The following MED12L variants were observed in gnomAD, a reference collection of about 807,000 sequenced individuals.
MED12L encodes mediator of RNA polymerase II transcription subunit 12-like protein.
MED12L carries 60 observed loss-of-function variants against 281.3 expected under a neutral mutation model. That is an observed-to-expected ratio of 0.21 (90% CI 0.17 to 0.26). MED12L has a LOEUF of 0.26. MED12L is among the 10% of genes least tolerant of loss of function. The pLI, the probability that MED12L is intolerant of heterozygous loss-of-function variation, is 1.00. For missense variants in MED12L, 2,146 were observed against 2,680.9 expected (o/e 0.80, Z 4.41); for synonymous variants, 974 against 987.2 (o/e 0.99, Z 0.25).
chr3:151,218,490 G>A (rs1728665714), intron 16 of MED12L, among the ~76,000 whole-genome samples: 1 of 152,162 alleles, frequency 6.6e-6, no homozygotes, highest in Admixed American at 6.5e-5. Flanking sequence ...TGTTAACCTT[G>A]AGGCTTTAGG....
chr3:151,112,749 G>A (rs893366815), intron 2 of MED12L, among the ~76,000 whole-genome samples: 3 of 152,106 alleles, frequency 2.0e-5, no homozygotes, highest in South Asian at 2.1e-4. Flanking sequence ...GGTGTGTGGG[G>A]TTTGATGGGT....
In MED12L at chr3:151,158,753, C is replaced by T. The variant is rs775602561; in HGVS notation, c.791C>T (p.Pro264Leu). ...WILDVLEKIR[P>L]MDDDLLKLLL... ...CTGGATGTTTTAGAAAAGATCAGAC[C>T]AATGGATGATGATCTTCTTAAACTC... is the stretch of plus-strand genomic sequence containing the variant. The change falls in exon 7 of 45, where the codon CCA becomes CTA. Residue 264 changes from proline to leucine, a missense_variant. Physicochemically the swap from Pro to Leu is moderately conservative, Grantham distance 98. Around this residue, in one of 9 missense-constraint regions of MED12L, gnomAD observed 722 missense variants for 861.2 expected, o/e 0.84. Coordinates refer to ENST00000687756, the MANE Select transcript of MED12L (RefSeq NM_001393769.1). The T allele has an allele frequency of 6.2e-7, 1 of 1,612,706 alleles. No homozygotes were observed. Among genetic ancestry groups the T allele is most frequent in the Non-Finnish European group, 8.5e-7 (1 of 1,179,236 alleles).
At chr3:151,246,538 T>C (rs1441332239) in intron 16 of MED12L, among the ~76,000 whole-genome samples, 1 of 152,162 alleles carries the variant, frequency 6.6e-6, no homozygotes, top group Non-Finnish European at 1.5e-5. Context: ...CCCTATTTAA[T>C]AAATGGTGCT....
At chr3:151,227,399 A>AT (rs994323172) in intron 16 of MED12L, among the ~76,000 whole-genome samples, 14 of 151,990 alleles carry the variant, frequency 9.2e-5, no homozygotes, top group Middle Eastern at 3.2e-3. Context: ...CCAACTCTTG[A>AT]TTATGTGTGA....
chr3:151,181,863 C>T (rs571193296), intron 11 of MED12L, among the ~76,000 whole-genome samples: 9 of 152,114 alleles, frequency 5.9e-5, no homozygotes, highest in Admixed American at 2.0e-4. Flanking sequence ...GGATTATAGG[C>T]GTGAACCACC....
chr3:151,253,053 A>C (rs1341833018), intron 16 of MED12L, among the ~76,000 whole-genome samples: 4 of 152,170 alleles, frequency 2.6e-5, no homozygotes, highest in Non-Finnish European at 4.4e-5. Context: ...CCTTAAACTA[A>C]AGTCCCTGTC....
chr3:151,385,961 A>G (rs1349568345), intron 36 of MED12L, among the ~76,000 whole-genome samples: 2 of 152,172 alleles, frequency 1.3e-5, no homozygotes, highest in East Asian at 3.9e-4. Context: ...TCAAGGGGGA[A>G]GTAGACAGAC....
rs1354203232 is a variant in MED12L at position 151,435,501 on chromosome 3, G to A, written c.*2697G>A. On this transcript the variant is annotated 3_prime_UTR_variant, in exon 45 of 45. Coordinates refer to ENST00000687756, the MANE Select transcript of MED12L (RefSeq NM_001393769.1). ...AAAGTCAGTGTGATGAAAACCCAAG[G>A]GCGCTATTCCACATGTCTCAAATGA... 1 of 152,000 alleles carries A rather than the reference G, an allele frequency of 6.6e-6. No homozygotes were observed. Among genetic ancestry groups the A allele is most frequent in the African/African-American group, 2.4e-5 (1 of 41,378 alleles). The allele number at this position is 152,000 out of a possible 1,614,324, so 9.4% of individuals were successfully genotyped here. A position where few individuals can be genotyped will look rare whatever the true frequency, so the allele number is the denominator to read the frequency against.
At chr3:151,118,519 T>G (rs1301820696) in intron 3 of MED12L, among the ~76,000 whole-genome samples, 1 of 152,258 alleles carries the variant, frequency 6.6e-6, no homozygotes, top group East Asian at 1.9e-4. Flanking sequence ...TATGATTCTT[T>G]TTTAAAATTA....
chr3:151,357,129 G>A, intron 19 of MED12L, 84 bp from the exon 20 acceptor site: 1 of 1,162,584 alleles, frequency 8.6e-7, no homozygotes, highest in Non-Finnish European at 1.2e-6. Context: ...TAATGACTCA[G>A]TATATCTATG....
chr3:151,099,320 G>T (rs540452071), intron 2 of MED12L, among the ~76,000 whole-genome samples: 1 of 152,288 alleles, frequency 6.6e-6, no homozygotes, highest in South Asian at 2.1e-4. Flanking sequence ...CTTAAAGATT[G>T]AGGATCTATT....
chr3:151,169,961 T>G (rs534566287), intron 11 of MED12L, among the ~76,000 whole-genome samples: 2 of 152,346 alleles, frequency 1.3e-5, no homozygotes, highest in Non-Finnish European at 2.9e-5. Flanking sequence ...TCACCCTCCT[T>G]GATTCCTTAA....
intron 43 of MED12L, among the ~76,000 whole-genome samples, chr3:151,428,671 A>G (rs893539112): frequency 6.6e-6 from 1 of 152,228 alleles, no homozygotes; most frequent in Non-Finnish European, 1.5e-5. Context: ...CCAAATATTC[A>G]GTTTTGAAAG....
At chr3:151,201,635 C>A (rs573414942) in intron 16 of MED12L, among the ~76,000 whole-genome samples, 15 of 152,140 alleles carry the variant, frequency 9.9e-5, no homozygotes, top group Non-Finnish European at 2.2e-4. Flanking sequence ...TTCCTGAATC[C>A]TGCTTATTCC....
At chr3:151,109,687 G>A (rs1433376131) in intron 2 of MED12L, among the ~76,000 whole-genome samples, 3 of 152,180 alleles carry the variant, frequency 2.0e-5, no homozygotes, top group African/African-American at 7.2e-5. Context: ...TTGGACATGT[G>A]TGTACAACTA....
chr3:151,120,175 G>A (rs1057459834), intron 3 of MED12L, among the ~76,000 whole-genome samples: 7 of 150,736 alleles, frequency 4.6e-5, no homozygotes, highest in East Asian at 3.9e-4. Flanking sequence ...GTAGTGAGCC[G>A]AAATCACACC....
chr3:151,164,190 GT>G, intron 9 of MED12L, 148 bp downstream of exon 9: 2 of 789,212 alleles, frequency 2.5e-6, no homozygotes, highest in Non-Finnish European at 1.9e-6. Context: ...TTAGAGAATT[GT>G]TTAGCCTCTT....
At chr3:151,352,490 G>A (rs1405513352) in intron 17 of MED12L, among the ~76,000 whole-genome samples, 1 of 152,184 alleles carries the variant, frequency 6.6e-6, no homozygotes, top group African/African-American at 2.4e-5. Flanking sequence ...TTAAAACTTA[G>A]TGTAAGCACC....
At chr3:151,244,685 C>A (rs1734971974) in intron 16 of MED12L, among the ~76,000 whole-genome samples, 1 of 150,860 alleles carries the variant, frequency 6.6e-6, no homozygotes, top group African/African-American at 2.4e-5. Context: ...AAAATTGACA[C>A]CCTAACATCA....
Sources: gnomAD v4.1 joint callset for allele counts (sites outside exome capture counted in the v4.1 genomes callset) on GRCh38, gnomAD v4.1.1 for gene constraint, gnomAD v4.1.1 regional missense constraint, MANE v1.5 for transcripts, NCBI Gene and HGNC (gene_info 2026-07-23, HGNC 2026-07-21) for gene names.